Variants in CDC42BPA observed in about 807,000 individuals in gnomAD.
The protein encoded by CDC42BPA is serine/threonine-protein kinase MRCK alpha.
A neutral mutation model predicts 223.5 loss-of-function variants in CDC42BPA; 80 were observed. The observed-to-expected ratio is 0.36, with a 90% CI of 0.30 to 0.43. The LOEUF is 0.43. Ranked by LOEUF, CDC42BPA falls within the 20% of genes least tolerant of loss-of-function variation. The pLI is 1.00. For synonymous variants in CDC42BPA, 694 were observed against 718.6 expected (o/e 0.97, Z 0.55); for missense variants, 1,743 against 2,099.9 (o/e 0.83, Z 3.32).
intron 2 of CDC42BPA, among the ~76,000 whole-genome samples, chr1:227,244,017 T>TAAAA (rs78926711): frequency 7.8e-6 from 1 of 128,576 alleles, no homozygotes; most frequent in Non-Finnish European, 1.7e-5. Context: ...AAAACTAAAG[T>TAAAA]AAAAAAAAAA....
chr1:227,309,341 A>G (rs1456848072), intron 1 of CDC42BPA, among the ~76,000 whole-genome samples: 1 of 152,242 alleles, frequency 6.6e-6, no homozygotes, highest in East Asian at 1.9e-4. Flanking sequence ...GTTAATAGTA[A>G]CCACAGCTTT....
intron 34 of CDC42BPA, among the ~76,000 whole-genome samples, chr1:227,006,330 G>GT (rs1379227271): frequency 6.6e-6 from 1 of 152,186 alleles, no homozygotes; most frequent in African/African-American, 2.4e-5. Context: ...TTGTGAGGGT[G>GT]TGCCATAAAG....
chr1:227,223,234 G>A (rs1676258446), intron 2 of CDC42BPA, among the ~76,000 whole-genome samples: 1 of 152,138 alleles, frequency 6.6e-6, no homozygotes, highest in Non-Finnish European at 1.5e-5. Context: ...GGGAAGTAGG[G>A]ACAGCATAAG....
intron 1 of CDC42BPA, among the ~76,000 whole-genome samples, chr1:227,294,287 T>C (rs1690224804): frequency 6.6e-6 from 1 of 151,844 alleles, no homozygotes; most frequent in Non-Finnish European, 1.5e-5. Flanking sequence ...AAAAAAAATT[T>C]AGTATCTAAT....
intron 3 of CDC42BPA, among the ~76,000 whole-genome samples, chr1:227,208,092 T>G (rs1673140442): frequency 9.8e-6 from 1 of 101,756 alleles, no homozygotes; most frequent in African/African-American, 3.9e-5. Flanking sequence ...ATTGTGGTTT[T>G]GATTTGCGTT....
In CDC42BPA at chr1:227,074,339, C is replaced by T. The variant is rs752710286; in HGVS notation, c.2506G>A (p.Gly836Arg). 9 of 1,613,198 alleles carry T rather than the reference C, an allele frequency of 5.6e-6. No homozygotes were observed. Among genetic ancestry groups the T allele is most frequent in the South Asian group, 1.1e-5 (1 of 90,980 alleles). ...TTAGAAGCTAAGGCCTGAAGATACC[C>T]TCGTGCATCCTTTTCATCGCTGACC... ...QWVSDEKDAR[G>R]YLQALASKMT... The change falls in exon 18 of 37, where the codon GGG (glycine) becomes AGG (arginine). Residue 836 changes from glycine to arginine, a missense_variant. Physicochemically the swap from Gly to Arg is moderately radical, Grantham distance 125. Around this residue, in one of 6 missense-constraint regions of CDC42BPA, gnomAD observed 464 missense variants for 488.0 expected, o/e 0.95. Transcript: ENST00000366766.
intron 2 of CDC42BPA, among the ~76,000 whole-genome samples, chr1:227,233,699 G>A (rs1558828970): frequency 6.6e-6 from 1 of 152,170 alleles, no homozygotes; most frequent in African/African-American, 2.4e-5. Flanking sequence ...TTTGGAGGCT[G>A]AGGTGGGCAG....
intron 1 of CDC42BPA, among the ~76,000 whole-genome samples, chr1:227,272,419 A>G (rs965116465): frequency 2.6e-5 from 4 of 152,218 alleles, no homozygotes; most frequent in African/African-American, 9.6e-5. Context: ...TTTATTATGT[A>G]CTGAAGTTTT....
chr1:227,212,925 T>C (rs1416202284), intron 3 of CDC42BPA, among the ~76,000 whole-genome samples: 1 of 152,148 alleles, frequency 6.6e-6, no homozygotes, highest in African/African-American at 2.4e-5. Flanking sequence ...AGGGTTTCCA[T>C]TTAGTATTCC....
At chr1:227,021,748 G>C (rs566267969) in intron 32 of CDC42BPA, among the ~76,000 whole-genome samples, 1 of 152,012 alleles carries the variant, frequency 6.6e-6, no homozygotes, top group African/African-American at 2.4e-5. Flanking sequence ...GGCCAGGCGC[G>C]GTGGCTCACG....
intron 14 of CDC42BPA, among the ~76,000 whole-genome samples, chr1:227,108,387 C>T (rs962817047): frequency 2.0e-5 from 3 of 150,284 alleles, no homozygotes; most frequent in Non-Finnish European, 3.0e-5. Flanking sequence ...CATTGATTTC[C>T]ACATATTTTT....
In CDC42BPA at chr1:227,074,399, C is replaced by A. The variant is rs1273663946; in HGVS notation, c.2481-35G>T. On this transcript the variant is annotated intron_variant, in intron 17 of 36. Coordinates refer to ENST00000366766, the MANE Select transcript of CDC42BPA (RefSeq NM_001394014.1). ...ATAAAGACAAAGTACAAAAGTAAAA[C>A]AAAAAAGCTTCAGTGCAATATATGT... is the stretch of plus-strand genomic sequence containing the variant. The A allele has an allele frequency of 6.0e-6, 9 of 1,490,110 alleles. No individual in the cohort carries two copies. The Admixed American group carries it at 9.6e-5, about 16-fold the overall frequency. 92.3% of individuals were successfully genotyped at this position (1,490,110 alleles called of 1,614,324 possible).
intron 2 of CDC42BPA, among the ~76,000 whole-genome samples, chr1:227,222,032 T>A (rs931356441): frequency 3.5e-4 from 38 of 107,822 alleles, no homozygotes; most frequent in Admixed American, 8.0e-4. Flanking sequence ...CAGAGCAACA[T>A]AGGAAGACCC....
At chr1:227,009,641 C>A (rs1051759687) in intron 34 of CDC42BPA, among the ~76,000 whole-genome samples, 1 of 152,020 alleles carries the variant, frequency 6.6e-6, no homozygotes, top group African/African-American at 2.4e-5. Flanking sequence ...GTCTCAAACT[C>A]CTAGGCTCAA....
chr1:227,070,807 TA>T (rs1244611401), intron 20 of CDC42BPA, among the ~76,000 whole-genome samples: 1 of 151,824 alleles, frequency 6.6e-6, no homozygotes, highest in African/African-American at 2.4e-5. Context: ...AAATCCAAAT[TA>T]AAAAGCTGTG....
At chr1:227,198,466 G>GA (rs1671138579) in intron 4 of CDC42BPA, among the ~76,000 whole-genome samples, 10 of 93,422 alleles carry the variant, frequency 1.1e-4, no homozygotes, top group South Asian at 3.6e-4. Context: ...AAGAAAGAAA[G>GA]AAAGAAAGAA....
intron 23 of CDC42BPA, among the ~76,000 whole-genome samples, chr1:227,041,625 A>G (rs974335899): frequency 1.3e-5 from 2 of 152,216 alleles, no homozygotes; most frequent in Non-Finnish European, 2.9e-5. Flanking sequence ...AAAAAATAGA[A>G]GTAGATTATC....
rs1364390358 is a variant in CDC42BPA, at chr1:227,194,124, AAAAC to A, written c.451-194_451-191del. ...AAACTTCTAAATTTCATACAGCAGTAAAACAAAATTTTTAAAGACTGGGGCAGAG... is the reference window on the plus strand; with the variant it reads ...AAACTTCTAAATTTCATACAGCAGTAAAAATTTTTAAAGACTGGGGCAGAG... On this transcript the variant is annotated intron_variant, in intron 4 of 36. Coordinates refer to ENST00000366766, the MANE Select transcript of CDC42BPA (RefSeq NM_001394014.1). 2.6e-5 allele frequency among the ~76,000 whole-genome samples: 4 copies of A among 152,212 alleles called. No homozygotes were observed. In the South Asian group the frequency reaches 6.2e-4, roughly 24 times the overall value.
At chr1:227,179,973 C>G (rs1025520203) in intron 5 of CDC42BPA, among the ~76,000 whole-genome samples, 1 of 151,996 alleles carries the variant, frequency 6.6e-6, no homozygotes, top group African/African-American at 2.4e-5. Flanking sequence ...TTTGGGAGGC[C>G]ATGGAGGGCG....
Sources: allele counts gnomAD v4.1 joint callset (sites outside exome capture counted in the v4.1 genomes callset), GRCh38; gene constraint gnomAD v4.1.1; regional missense constraint gnomAD v4.1.1; transcripts MANE v1.5; gene names NCBI Gene and HGNC (gene_info 2026-07-23, HGNC 2026-07-21).